The following NBAS variants were observed in gnomAD, a reference collection of about 807,000 sequenced individuals.
NBAS encodes NAG/BC035112 fusion.
A neutral mutation model predicts 302.5 loss-of-function variants in NBAS; 219 were observed. The ratio of observed to expected loss-of-function variants is 0.72; its 90% CI spans 0.65 to 0.81. The LOEUF is 0.81. Ranked by LOEUF, NBAS falls within the 30% of genes least tolerant of loss-of-function variation. The pLI, the probability that NBAS is intolerant of heterozygous loss-of-function variation, is 0.00. For missense variants in NBAS, 2,932 were observed against 2,841.6 expected (o/e 1.03, Z -0.72); for synonymous variants, 1,118 against 1,021.6 (o/e 1.09, Z -1.80).
At chr2:14,793,172 G>T in the NBAS span, among the ~76,000 whole-genome samples, 1 of 152,032 alleles carries the variant, frequency 6.6e-6, no homozygotes, top group Non-Finnish European at 1.5e-5. Flanking sequence ...AAATCAGTCA[G>T]TTGGTACCTT....
chr2:15,171,387 G>A (rs370729487), intron 51 of NBAS, among the ~76,000 whole-genome samples: 11 of 152,136 alleles, frequency 7.2e-5, no homozygotes, highest in East Asian at 3.9e-4. Flanking sequence ...ACAATTAATC[G>A]TATGATATTT....
At chr2:14,804,698 G>A in the NBAS span, among the ~76,000 whole-genome samples, 1 of 152,122 alleles carries the variant, frequency 6.6e-6, no homozygotes, top group Admixed American at 6.5e-5. Context: ...ATGTAAAGTA[G>A]ATAAATATCC....
chr2:15,092,587 C>A, the NBAS span, among the ~76,000 whole-genome samples: 9,818 of 152,196 alleles, frequency 0.065, 451 homozygotes, highest in Non-Finnish European at 0.097. Flanking sequence ...TTCCTTCTGG[C>A]TTTTCAGCTG....
the NBAS span, chr2:14,890,384 AT>A: frequency 6.6e-6 from 1 of 152,170 alleles, no homozygotes; most frequent in Non-Finnish European, 1.5e-5. Context: ...TACAAAAAAA[AT>A]ATAATGCTAG....
chr2:14,990,480 G>T, the NBAS span, among the ~76,000 whole-genome samples: 1 of 151,770 alleles, frequency 6.6e-6, no homozygotes, highest in South Asian at 2.1e-4. Context: ...AAAATTTCTG[G>T]CACAAAATGC....
the NBAS span, among the ~76,000 whole-genome samples, chr2:14,832,820 G>A: frequency 6.6e-6 from 1 of 152,120 alleles, no homozygotes; most frequent in Admixed American, 6.6e-5. Flanking sequence ...TGTGCTTTGT[G>A]GTAGCTTCTG....
chr2:14,979,907 T>C, the NBAS span, among the ~76,000 whole-genome samples: 1 of 152,122 alleles, frequency 6.6e-6, no homozygotes, highest in Non-Finnish European at 1.5e-5. Context: ...CCCTTGACTG[T>C]ATAAAACCCT....
chr2:14,829,540 G>A, the NBAS span, among the ~76,000 whole-genome samples: 1 of 152,082 alleles, frequency 6.6e-6, no homozygotes, highest in Non-Finnish European at 1.5e-5. Context: ...AGAAACAAAT[G>A]GACAAAGTAC....
chr2:15,295,324 A>G (rs1209121196), intron 40 of NBAS, among the ~76,000 whole-genome samples: 3 of 152,214 alleles, frequency 2.0e-5, no homozygotes, highest in Non-Finnish European at 4.4e-5. Flanking sequence ...GAGTCTCCAC[A>G]TACAATCTTC....
At chr2:14,834,923 T>C in the NBAS span, among the ~76,000 whole-genome samples, 1 of 151,764 alleles carries the variant, frequency 6.6e-6, no homozygotes, top group Admixed American at 6.6e-5. Flanking sequence ...CACCAAATAG[T>C]AGAGAGGAGA....
At chr2:15,492,506 G>C (rs1373749079) in intron 11 of NBAS, among the ~76,000 whole-genome samples, 1 of 152,074 alleles carries the variant, frequency 6.6e-6, no homozygotes, top group Non-Finnish European at 1.5e-5. Context: ...ACCCAGGCTG[G>C]AGTGCACTGG....
chr2:15,553,580 T>C, intron 4 of NBAS, 107 bp from the exon 5 acceptor site: 1 of 1,033,586 alleles, frequency 9.7e-7, no homozygotes, highest in South Asian at 1.4e-5. Context: ...TTTAAATTTG[T>C]TCACATGCTT....
In NBAS at chr2:15,387,248, T is replaced by C. The variant is rs576820762; in HGVS notation, c.3258-3931A>G. ...ATGCCTGGCTAATTTTTTGTATTTT[T>C]AGTAGAGACAAGGTTTCACCATGTT... On this transcript the variant is annotated intron_variant, in intron 28 of 51. Coordinates refer to ENST00000281513, the MANE Select transcript of NBAS (RefSeq NM_015909.4). Among the ~76,000 whole-genome samples the C allele has an allele frequency of 2.0e-5, 3 of 152,180 alleles. No individual in the cohort carries two copies. The South Asian group carries it at 6.2e-4, about 32-fold the overall frequency.
chr2:15,350,737 C>T (rs1326523541), intron 35 of NBAS, among the ~76,000 whole-genome samples: 1 of 152,134 alleles, frequency 6.6e-6, no homozygotes, highest in Non-Finnish European at 1.5e-5. Context: ...AAAAGAGGAT[C>T]TCTCCTGAGC....
chr2:15,146,874 C>T, the NBAS span, among the ~76,000 whole-genome samples: 1 of 152,130 alleles, frequency 6.6e-6, no homozygotes, highest in Non-Finnish European at 1.5e-5. Flanking sequence ...GTGCCACCTG[C>T]CATGGGCAGG....
chr2:14,870,273 A>G, the NBAS span, among the ~76,000 whole-genome samples: 2 of 152,152 alleles, frequency 1.3e-5, no homozygotes, highest in Non-Finnish European at 2.9e-5. Flanking sequence ...TGTACTCAAA[A>G]GCAGAGGGAT....
chr2:14,798,255 G>A, the NBAS span, among the ~76,000 whole-genome samples: 9 of 152,150 alleles, frequency 5.9e-5, 1 homozygote, highest in Non-Finnish European at 1.0e-4. Flanking sequence ...TCAGATTGAG[G>A]AAGTTCCCTT....
chr2:15,277,176 A>G, intron 42 of NBAS, 75 bp from the exon 43 acceptor site: 1 of 1,550,440 alleles, frequency 6.4e-7, no homozygotes, highest in Non-Finnish European at 8.8e-7. Context: ...TAACCAAGGA[A>G]GAAACACTAC....
downstream of NBAS, among the ~76,000 whole-genome samples, chr2:15,163,922 G>C (rs188500015): frequency 2.8e-4 from 42 of 151,818 alleles, no homozygotes; most frequent in East Asian, 7.8e-3. Context: ...TCAGCCTCCC[G>C]AGTAGCTGGG....
Sources: gnomAD v4.1 joint callset for allele counts (sites outside exome capture counted in the v4.1 genomes callset) on GRCh38, gnomAD v4.1.1 for gene constraint, MANE v1.5 for transcripts, NCBI Gene and HGNC (gene_info 2026-07-23, HGNC 2026-07-21) for gene names.